Variants in DSCAML1 observed in about 807,000 individuals in gnomAD.
DSCAML1 encodes the protein DS cell adhesion molecule like 1.
Under a neutral mutation model 200.5 loss-of-function variants are expected in DSCAML1, and 38 were observed. That is an observed-to-expected ratio of 0.19 (90% CI 0.15 to 0.25). The LOEUF is 0.25. Among genes scored for constraint, DSCAML1 ranks in the 10% least tolerant of loss-of-function variants. The pLI is 1.00. For synonymous variants in DSCAML1, 1,215 were observed against 1,165.0 expected (o/e 1.04, Z -0.87); for missense variants, 2,223 against 2,858.8 (o/e 0.78, Z 5.07).
At position 117,463,364 on chromosome 11, in the gene DSCAML1, CTTT is replaced by C. The variant is rs540060838; in HGVS notation, c.3265+1575_3265+1577del. On this transcript the variant is annotated intron_variant, in intron 17 of 32. Transcript: ENST00000651296. The surrounding 1 kb of genome is among the most constrained non-coding windows in gnomAD (Gnocchi z 4.0). ...GGGAACTTATTAGAAATAATACATC[CTTT>C]TTTTTTTTTTTTTAGAGATGGGGTC... Among the ~76,000 whole-genome samples the C allele has an allele frequency of 2.1e-5, 3 of 141,408 alleles. No homozygotes were observed. Among genetic ancestry groups the C allele is most frequent in the African/African-American group, 2.6e-5 (1 of 38,606 alleles). The allele number at this position is 141,408 out of a possible 152,430, so 92.8% of individuals were successfully genotyped here. A position where few individuals can be genotyped will look rare whatever the true frequency, so the allele number is the denominator to read the frequency against.
At chr11:117,474,749 C>T (rs2137190798) in intron 14 of DSCAML1, among the ~76,000 whole-genome samples, 1 of 150,852 alleles carries the variant, frequency 6.6e-6, no homozygotes, top group Middle Eastern at 3.5e-3. Context: ...TGTGTCATTC[C>T]TTTTTTCCTT....
chr11:117,657,837 C>T (rs2052765217), intron 3 of DSCAML1, among the ~76,000 whole-genome samples: 1 of 152,176 alleles, frequency 6.6e-6, no homozygotes, highest in African/African-American at 2.4e-5. Context: ...GTCTGCTATG[C>T]TCTTCTTCCA....
intron 3 of DSCAML1, chr11:117,668,436 G>A (rs1340596276): frequency 6.6e-6 from 1 of 152,268 alleles, no homozygotes; most frequent in East Asian, 1.9e-4. Flanking sequence ...GCTTCGGCAT[G>A]AGGATATGTA....
At chr11:117,641,899 C>T (rs570779784) in intron 3 of DSCAML1, among the ~76,000 whole-genome samples, 24 of 152,186 alleles carry the variant, frequency 1.6e-4, no homozygotes, top group Middle Eastern at 6.8e-3. Flanking sequence ...CTATTGAGTC[C>T]GTCTTACCCA....
At chr11:117,733,435 C>T (rs1287116348) in intron 3 of DSCAML1, among the ~76,000 whole-genome samples, 20 of 152,174 alleles carry the variant, frequency 1.3e-4, no homozygotes, top group Admixed American at 1.3e-3. Context: ...GCTGCTTTGT[C>T]CCTACACTCT....
Position 117,725,664 on chromosome 11 carries a change from G to T in DSCAML1, c.511+51127C>A, listed in dbSNP as rs955636583. ...CTCTTGCTGCCTTACTGGCAGAGAGGTCTGCAGGAGGAGGGAGGCCGGGCC... is the reference window on the plus strand; with the variant it reads ...CTCTTGCTGCCTTACTGGCAGAGAGTTCTGCAGGAGGAGGGAGGCCGGGCC... On this transcript the variant is annotated intron_variant, in intron 3 of 32. Coordinates refer to ENST00000651296, the MANE Select transcript of DSCAML1 (RefSeq NM_020693.4). Among the ~76,000 whole-genome samples the T allele has an allele frequency of 6.3e-5, 4 of 63,620 alleles. No homozygotes were observed. The Admixed American group carries it at 9.4e-4, about 15-fold the overall frequency. The allele number at this position is 63,620 out of a possible 152,430, so 41.7% of individuals were successfully genotyped here. A position where few individuals can be genotyped will look rare whatever the true frequency, so the allele number is the denominator to read the frequency against.
chr11:117,747,702 C>A (rs562097836), intron 3 of DSCAML1, among the ~76,000 whole-genome samples: 1 of 152,114 alleles, frequency 6.6e-6, no homozygotes, highest in Non-Finnish European at 1.5e-5. Context: ...TCAGAGAGAC[C>A]GCCTGTGTCC....
At position 117,583,266 on chromosome 11, in the gene DSCAML1, T is replaced by A. The variant is rs573889792; in HGVS notation, c.512-50744A>T. Among the ~76,000 whole-genome samples the A allele has an allele frequency of 7.9e-5, 12 of 152,152 alleles. No individual in the cohort carries two copies. The East Asian group carries it at 2.3e-3, about 29-fold the overall frequency. ...TGCACTGAAGACCCCTTGCCTCTGG[T>A]GTTCCCCCTTCCAAGTCCTCCCTGC... is the stretch of plus-strand genomic sequence containing the variant. On this transcript the variant is annotated intron_variant, in intron 3 of 32. Transcript: ENST00000651296.
At chr11:117,739,883 T>C (rs1289586628) in intron 3 of DSCAML1, among the ~76,000 whole-genome samples, 1 of 152,192 alleles carries the variant, frequency 6.6e-6, no homozygotes, top group Non-Finnish European at 1.5e-5. Context: ...GAGCCCCTGG[T>C]CTCACCACAG....
At chr11:117,666,807 T>C (rs1472572590) in intron 3 of DSCAML1, among the ~76,000 whole-genome samples, 1 of 152,238 alleles carries the variant, frequency 6.6e-6, no homozygotes, top group Non-Finnish European at 1.5e-5. Context: ...GTGATTTCAA[T>C]GCCTCTGCCT....
At chr11:117,764,542 T>C (rs1485591632) in intron 3 of DSCAML1, among the ~76,000 whole-genome samples, 15 of 152,176 alleles carry the variant, frequency 9.9e-5, no homozygotes, top group Admixed American at 9.8e-4. Context: ...CTAAATTAAA[T>C]AATGAACTAA....
At chr11:117,743,112 G>T (rs2054452525) in intron 3 of DSCAML1, among the ~76,000 whole-genome samples, 1 of 152,216 alleles carries the variant, frequency 6.6e-6, no homozygotes, top group Non-Finnish European at 1.5e-5. Context: ...AGAGAATACA[G>T]AGAAAATAAG....
chr11:117,568,755 C>T (rs9795490), intron 3 of DSCAML1, among the ~76,000 whole-genome samples: 44,238 of 151,852 alleles, frequency 0.29, 6,674 homozygotes, highest in African/African-American at 0.35. Flanking sequence ...TCCATGCTCA[C>T]GGGTAGGAAG....
chr11:117,631,745 C>CA (rs2137573202), intron 3 of DSCAML1, among the ~76,000 whole-genome samples: 1 of 138,258 alleles, frequency 7.2e-6, no homozygotes, highest in African/African-American at 2.5e-5. Flanking sequence ...ATCAATCATC[C>CA]ACTCATCTAA....
At chr11:117,743,787 T>C (rs73582950) in intron 3 of DSCAML1, among the ~76,000 whole-genome samples, 2,172 of 152,250 alleles carry the variant, frequency 0.014, 41 homozygotes, top group African/African-American at 0.049. Context: ...ACAGACAGAA[T>C]TCAATACCCA....
At chr11:117,438,113 G>T (rs1277409259) in intron 24 of DSCAML1, 30 bp from the exon 25 acceptor site, 5 of 1,571,678 alleles carry the variant, frequency 3.2e-6, no homozygotes, top group Non-Finnish European at 4.3e-6. Context: ...TTCAGGTGGG[G>T]GCAGGGCAGG....
At chr11:117,731,538 C>T (rs894059826) in intron 3 of DSCAML1, among the ~76,000 whole-genome samples, 9 of 152,220 alleles carry the variant, frequency 5.9e-5, no homozygotes, top group African/African-American at 1.4e-4. Flanking sequence ...CTTGGCCCAA[C>T]TCCTACACAT....
chr11:117,684,779 A>G (rs1318441671), intron 3 of DSCAML1, among the ~76,000 whole-genome samples: 2 of 152,232 alleles, frequency 1.3e-5, no homozygotes, highest in Non-Finnish European at 1.5e-5. Context: ...TGTTGAGTGG[A>G]GTCTGACCCC....
At chr11:117,661,370 G>A (rs1417206994) in intron 3 of DSCAML1, among the ~76,000 whole-genome samples, 2 of 152,194 alleles carry the variant, frequency 1.3e-5, no homozygotes, top group Non-Finnish European at 2.9e-5. Flanking sequence ...GGAGGAAAAT[G>A]GGAATATAAC....
Sources: gnomAD v4.1 joint callset for allele counts (sites outside exome capture counted in the v4.1 genomes callset) on GRCh38, gnomAD v4.1.1 for gene constraint, Gnocchi (gnomAD v3.1) non-coding constraint, MANE v1.5 for transcripts, NCBI Gene and HGNC (gene_info 2026-07-23, HGNC 2026-07-21) for gene names.